TMEM156: variants seen among roughly 807,000 people sequenced by gnomAD.
The protein encoded by TMEM156 is transmembrane protein 156.
TMEM156 carries 28 observed loss-of-function variants against 30.5 expected under a neutral mutation model. The observed-to-expected ratio is 0.92, with a 90% CI of 0.68 to 1.26. The LOEUF (loss-of-function observed/expected upper bound fraction) is 1.26. Among genes scored for constraint, TMEM156 ranks in the 50% most tolerant of loss-of-function variants. The pLI is 0.00. For missense variants in TMEM156, 351 were observed against 340.6 expected (o/e 1.03, Z -0.24); for synonymous variants, 137 against 119.9 (o/e 1.14, Z -0.93).
chr4:39,000,253 G>A lies in TMEM156; in HGVS notation c.89-1344C>T, dbSNP rs184101672. Among the ~76,000 whole-genome samples the A allele has an allele frequency of 1.6e-4, 24 of 152,092 alleles. No individual in the cohort carries two copies. The East Asian group carries it at 3.3e-3, about 21-fold the overall frequency. Reference sequence around the variant, plus strand: ...CAAAAAATACAAAAATTAGCCAGGCGGGGTGGTGCACTCCTGTAGTCCTTA... The same window carrying A: ...CAAAAAATACAAAAATTAGCCAGGCAGGGTGGTGCACTCCTGTAGTCCTTA... On this transcript the variant is annotated intron_variant, in intron 1 of 6. Coordinates refer to ENST00000381938, the MANE Select transcript of TMEM156 (RefSeq NM_024943.3).
At chr4:39,026,647 C>G (rs1159483162) in intron 1 of TMEM156, among the ~76,000 whole-genome samples, 1 of 152,036 alleles carries the variant, frequency 6.6e-6, no homozygotes, top group Non-Finnish European at 1.5e-5. Context: ...CAAAATCTGG[C>G]TGGGTGTGGT....
At chr4:39,019,890 TC>T (rs943063016) in intron 1 of TMEM156, among the ~76,000 whole-genome samples, 17 of 152,182 alleles carry the variant, frequency 1.1e-4, no homozygotes, top group African/African-American at 4.1e-4. Context: ...ACAATAGATC[TC>T]CAGAACTTAT....
chr4:38,975,666 T>C (rs1163976795), intron 5 of TMEM156, among the ~76,000 whole-genome samples: 1 of 152,062 alleles, frequency 6.6e-6, no homozygotes, highest in Non-Finnish European at 1.5e-5. Flanking sequence ...CATGAGCCAC[T>C]GCGCCTGGCC....
chr4:39,017,806 A>G (rs988870063), intron 1 of TMEM156, among the ~76,000 whole-genome samples: 2 of 152,194 alleles, frequency 1.3e-5, no homozygotes, highest in Non-Finnish European at 2.9e-5. Flanking sequence ...TTACATTAAT[A>G]CCATGGCATG....
At position 38,988,865 on chromosome 4, in the gene TMEM156, A is replaced by G. The variant is rs1712204128; in HGVS notation, c.725T>C (p.Val242Ala). Residue 242 changes from valine to alanine, a missense_variant, in exon 4 of 7, where the codon GTG (valine) becomes GCG (alanine). By Grantham distance (64) the Val-to-Ala change is moderately conservative (BLOSUM62 0). Coordinates refer to ENST00000381938, the MANE Select transcript of TMEM156 (RefSeq NM_024943.3). Reference protein sequence around the residue: ...IRKILEGQRRVQKWQSHRDKP... With the variant: ...IRKILEGQRRAQKWQSHRDKP... ...ATTATACTTACTCTGCCACTTTTGC[A>G]CTCTTCTCTGGCCTTCAAGTATTTT... 1 of 1,614,094 alleles carries G rather than the reference A, an allele frequency of 6.2e-7. No individual in the cohort carries two copies. Among genetic ancestry groups the G allele is most frequent in the Non-Finnish European group, 8.5e-7 (1 of 1,179,974 alleles).
At chr4:39,026,701 T>A (rs984618744) in intron 1 of TMEM156, among the ~76,000 whole-genome samples, 2 of 151,762 alleles carry the variant, frequency 1.3e-5, no homozygotes, top group African/African-American at 4.8e-5. Flanking sequence ...CTGAGGCGGG[T>A]GGGTCACTTG....
chr4:39,017,092 T>C (rs1714539252), intron 1 of TMEM156, among the ~76,000 whole-genome samples: 1 of 151,942 alleles, frequency 6.6e-6, no homozygotes, highest in African/African-American at 2.4e-5. Flanking sequence ...GGTCCCACCC[T>C]TGACAAGTGG....
intron 6 of TMEM156, among the ~76,000 whole-genome samples, chr4:38,969,508 G>T (rs1440354439): frequency 2.0e-5 from 3 of 152,194 alleles, no homozygotes. Context: ...CCATATCTTT[G>T]CTATTGTGAA....
At chr4:38,994,119 C>T in intron 2 of TMEM156, 121 bp from the exon 3 acceptor site, 1 of 884,368 alleles carries the variant, frequency 1.1e-6, no homozygotes, top group Non-Finnish European at 1.7e-6. Context: ...AAGTTTCCTA[C>T]ACTAAAAATA....
intron 5 of TMEM156, among the ~76,000 whole-genome samples, chr4:38,980,731 G>A (rs2109891139): frequency 6.6e-6 from 1 of 152,328 alleles, no homozygotes; most frequent in South Asian, 2.1e-4. Flanking sequence ...GTTAAGCCAA[G>A]ATCAGATGGG....
intron 1 of TMEM156, among the ~76,000 whole-genome samples, chr4:39,010,345 G>A (rs1229881816): frequency 2.0e-5 from 3 of 152,182 alleles, no homozygotes; most frequent in South Asian, 4.1e-4. Context: ...CAGATTCAAC[G>A]CTATTCTTAC....
chr4:39,013,317 A>AG (rs1714246615), intron 1 of TMEM156, among the ~76,000 whole-genome samples: 1 of 151,644 alleles, frequency 6.6e-6, no homozygotes, highest in South Asian at 2.1e-4. Context: ...CAAAAAAAAA[A>AG]AAAGAAAGAA....
At chr4:39,025,222 C>T (rs1715125094) in intron 1 of TMEM156, among the ~76,000 whole-genome samples, 1 of 151,746 alleles carries the variant, frequency 6.6e-6, no homozygotes, top group Non-Finnish European at 1.5e-5. Context: ...GGTGGGGGCG[C>T]CTGTAATCCC....
At chr4:39,021,052 T>G (rs750101233) in intron 1 of TMEM156, among the ~76,000 whole-genome samples, 4 of 152,250 alleles carry the variant, frequency 2.6e-5, no homozygotes, top group African/African-American at 9.6e-5. Flanking sequence ...ATTTCCCTGA[T>G]GATTAGCGAT....
intron 2 of TMEM156, among the ~76,000 whole-genome samples, chr4:38,994,888 A>G (rs1712816322): frequency 6.6e-6 from 1 of 152,054 alleles, no homozygotes; most frequent in African/African-American, 2.4e-5. Context: ...CAGTGGGTCA[A>G]GATTGCACCA....
At position 38,986,394 on chromosome 4, in the gene TMEM156, A is replaced by T. The variant is rs1290468594; in HGVS notation, c.765T>A (p.Val255=). 1.9e-6 allele frequency: 3 copies of T among 1,613,658 alleles called. No homozygotes were observed. In the Admixed American group the frequency reaches 5.0e-5, roughly 27 times the overall value. Residue 255 remains valine (V), a synonymous_variant, in exon 5 of 7, where the codon GTT becomes GTA. Coordinates refer to ENST00000381938, the MANE Select transcript of TMEM156 (RefSeq NM_024943.3). Reference sequence around the variant, plus strand: ...TCTCCGAATCACTTCCTCTTAAGAGAACAGATGTAGGTTTGTCTCTATGAC... The same window carrying T: ...TCTCCGAATCACTTCCTCTTAAGAGTACAGATGTAGGTTTGTCTCTATGAC... ...WQSHRDKPTS[V]LLRGSDSEKL...
At chr4:39,023,407 A>G (rs1714995814) in intron 1 of TMEM156, among the ~76,000 whole-genome samples, 1 of 152,250 alleles carries the variant, frequency 6.6e-6, no homozygotes, top group African/African-American at 2.4e-5. Flanking sequence ...CAGCATATTT[A>G]TAATAGCCCA....
At chr4:38,973,191 C>T (rs1272759366) in intron 5 of TMEM156, among the ~76,000 whole-genome samples, 4 of 152,150 alleles carry the variant, frequency 2.6e-5, no homozygotes, top group South Asian at 2.1e-4. Flanking sequence ...GAATACCTCT[C>T]CTCTATTCTT....
chr4:39,024,338 C>A (rs1310908518), intron 1 of TMEM156, among the ~76,000 whole-genome samples: 1 of 152,014 alleles, frequency 6.6e-6, no homozygotes, highest in Non-Finnish European at 1.5e-5. Flanking sequence ...CCCAGCCGAG[C>A]CAGAGGAATC....
Sources: gnomAD v4.1 joint callset for allele counts (sites outside exome capture counted in the v4.1 genomes callset) on GRCh38, gnomAD v4.1.1 for gene constraint, MANE v1.5 for transcripts, NCBI Gene and HGNC (gene_info 2026-07-23, HGNC 2026-07-21) for gene names.